Variants in SEMA5B observed in about 807,000 individuals in gnomAD.
The protein encoded by SEMA5B is semaphorin-5B.
SEMA5B carries 66 observed loss-of-function variants against 135.0 expected under a neutral mutation model. The ratio of observed to expected loss-of-function variants is 0.49; its 90% CI spans 0.40 to 0.60. The LOEUF (loss-of-function observed/expected upper bound fraction) is 0.60, where lower values mean the gene tolerates loss of function less well. Ranked by LOEUF, SEMA5B falls within the 20% of genes least tolerant of loss-of-function variation. The pLI is 0.00. For missense variants in SEMA5B, 1,501 were observed against 1,566.3 expected (o/e 0.96, Z 0.70); for synonymous variants, 690 against 639.5 (o/e 1.08, Z -1.19).
At chr3:122,925,245 C>T (rs967782572) in intron 9 of SEMA5B, among the ~76,000 whole-genome samples, 2 of 152,080 alleles carry the variant, frequency 1.3e-5, no homozygotes, top group African/African-American at 2.4e-5. Context: ...TCCTTGGTCT[C>T]GGTGCCCACC....
At chr3:123,004,738 G>A (rs1942263201) in intron 1 of SEMA5B, among the ~76,000 whole-genome samples, 1 of 152,190 alleles carries the variant, frequency 6.6e-6, no homozygotes, top group Admixed American at 6.5e-5. Context: ...CACACTGATG[G>A]AAATTGATTG....
chr3:122,988,090 C>T (rs975363974), intron 1 of SEMA5B, among the ~76,000 whole-genome samples: 1 of 152,006 alleles, frequency 6.6e-6, no homozygotes, highest in Non-Finnish European at 1.5e-5. Context: ...GGCTGCTGGC[C>T]CCCAGCCACA....
intron 2 of SEMA5B, 113 bp downstream of exon 2, chr3:122,961,027 A>G: frequency 9.1e-7 from 1 of 1,099,578 alleles, no homozygotes; most frequent in Non-Finnish European, 1.3e-6. Flanking sequence ...AATACAGTGG[A>G]CTGAGGTCCT....
intron 1 of SEMA5B, among the ~76,000 whole-genome samples, chr3:123,020,503 C>A (rs770152994): frequency 1.3e-5 from 2 of 152,216 alleles, no homozygotes; most frequent in Non-Finnish European, 2.9e-5. Flanking sequence ...AAATTCAGAA[C>A]ACAAACAGTA....
At chr3:122,989,135 C>A (rs1200048831) in intron 1 of SEMA5B, among the ~76,000 whole-genome samples, 1 of 152,210 alleles carries the variant, frequency 6.6e-6, no homozygotes. Context: ...AGCATATGTT[C>A]GGAGAGAGTC....
chr3:123,018,458 C>T (rs1380800456), intron 1 of SEMA5B, among the ~76,000 whole-genome samples: 2 of 152,214 alleles, frequency 1.3e-5, no homozygotes, highest in Non-Finnish European at 2.9e-5. Flanking sequence ...TTCCCAACCT[C>T]CTCCTGACAC....
At chr3:122,985,635 G>A (rs1941673913) in intron 1 of SEMA5B, among the ~76,000 whole-genome samples, 1 of 152,180 alleles carries the variant, frequency 6.6e-6, no homozygotes, top group South Asian at 2.1e-4. Context: ...GCATTTGATA[G>A]ATCTACCCCC....
rs1157929355 is a variant in SEMA5B, at chr3:122,922,509, G to A, written c.1273-62C>T. ...CCAGGGCTGCCGCCATCCCCCGCCG[G>A]CTCCCTCCTCCTGGCAACCCAGGTG... On this transcript the variant is annotated intron_variant, in intron 10 of 22. Transcript: ENST00000357599. The A allele has an allele frequency of 7.4e-6, 11 of 1,478,418 alleles. No individual in the cohort carries two copies. In the South Asian group the frequency reaches 1.1e-4, roughly 15 times the overall value. The allele number at this position is 1,478,418 out of a possible 1,614,324, so 91.6% of individuals were successfully genotyped here.
At chr3:122,987,365 G>C (rs1433771620) in intron 1 of SEMA5B, among the ~76,000 whole-genome samples, 1 of 152,186 alleles carries the variant, frequency 6.6e-6, no homozygotes, top group Non-Finnish European at 1.5e-5. Flanking sequence ...CCTTTTACAT[G>C]CTGTTTTTGA....
chr3:123,022,767 G>A (rs1942715588), intron 1 of SEMA5B, among the ~76,000 whole-genome samples: 1 of 152,200 alleles, frequency 6.6e-6, no homozygotes, highest in Non-Finnish European at 1.5e-5. Context: ...TGCAAGGTTT[G>A]GGTTTCATCT....
intron 1 of SEMA5B, among the ~76,000 whole-genome samples, chr3:123,021,763 C>T (rs927274643): frequency 6.6e-6 from 1 of 152,164 alleles, no homozygotes; most frequent in African/African-American, 2.4e-5. Flanking sequence ...AATGGTCAGC[C>T]GGTAACACAC....
At chr3:122,951,545 G>A (rs528023930) in intron 2 of SEMA5B, among the ~76,000 whole-genome samples, 42 of 152,238 alleles carry the variant, frequency 2.8e-4, no homozygotes, top group Non-Finnish European at 4.4e-4. Context: ...TCTCTCCTTC[G>A]CTAGTCTGTC....
At chr3:122,962,132 A>G (rs754679748) in intron 1 of SEMA5B, among the ~76,000 whole-genome samples, 9 of 152,192 alleles carry the variant, frequency 5.9e-5, no homozygotes, top group Non-Finnish European at 1.0e-4. Context: ...TCCCTTTTGC[A>G]TCGTAAGGCA....
At chr3:122,959,924 C>T (rs1191539076) in intron 2 of SEMA5B, among the ~76,000 whole-genome samples, 4 of 152,178 alleles carry the variant, frequency 2.6e-5, no homozygotes, top group African/African-American at 9.7e-5. Context: ...ACAAAGGGGA[C>T]TTGCCTACTT....
intron 1 of SEMA5B, among the ~76,000 whole-genome samples, chr3:122,987,732 G>C (rs1270315270): frequency 2.0e-5 from 3 of 152,222 alleles, no homozygotes; most frequent in African/African-American, 7.2e-5. Context: ...CCTCCTGACA[G>C]GGACTGGGAG....
Position 122,943,295 on chromosome 3 carries a change from A to G in SEMA5B, c.428+141T>C, listed in dbSNP as rs2082345974. ...CACGCTTCCTCCTGTGGGGGGACAG[A>G]CATCCACAAGGAGAGGGCCCAGCAG... On this transcript the variant is annotated intron_variant, in intron 4 of 22. Transcript: ENST00000357599. 5.0e-6 allele frequency: 3 copies of G among 598,436 alleles called. No individual in the cohort carries two copies. The Admixed American group carries it at 8.7e-5, about 17-fold the overall frequency. The allele number at this position is 598,436 out of a possible 1,614,324, so 37.1% of individuals were successfully genotyped here. A position where few individuals can be genotyped will look rare whatever the true frequency, so the allele number is the denominator to read the frequency against.
At chr3:122,942,509 C>T (rs951536678) in intron 4 of SEMA5B, among the ~76,000 whole-genome samples, 2 of 152,206 alleles carry the variant, frequency 1.3e-5, no homozygotes, top group African/African-American at 4.8e-5. Context: ...CACAGACAGA[C>T]CTGCAGAGAA....
At chr3:122,981,611 C>A (rs1181478600) in intron 1 of SEMA5B, among the ~76,000 whole-genome samples, 1 of 152,224 alleles carries the variant, frequency 6.6e-6, no homozygotes, top group Non-Finnish European at 1.5e-5. Flanking sequence ...GAGGACAAAG[C>A]AGCATGCTGG....
chr3:122,966,108 T>C (rs1940805742), intron 1 of SEMA5B, among the ~76,000 whole-genome samples: 1 of 152,128 alleles, frequency 6.6e-6, no homozygotes, highest in Admixed American at 6.5e-5. Flanking sequence ...CTCTCCCCTT[T>C]AGAAGTTCCC....
Sources: gnomAD v4.1 joint callset for allele counts (sites outside exome capture counted in the v4.1 genomes callset) on GRCh38, gnomAD v4.1.1 for gene constraint, MANE v1.5 for transcripts, NCBI Gene and HGNC (gene_info 2026-07-23, HGNC 2026-07-21) for gene names.